FARS2: variants seen among roughly 807,000 people sequenced by gnomAD.
FARS2 encodes phenylalanyl-tRNA synthetase 2, mitochondrial, also known as phenylalanine--tRNA ligase, mitochondrial.
Under a neutral mutation model 46.4 loss-of-function variants are expected in FARS2, and 40 were observed. The observed-to-expected ratio is 0.86, with a 90% CI of 0.67 to 1.12. The LOEUF (loss-of-function observed/expected upper bound fraction) is 1.12. Among genes scored for constraint, FARS2 ranks in the 50% most tolerant of loss-of-function variants. FARS2 has a pLI of 0.00. For missense variants in FARS2, 513 were observed against 567.9 expected, an observed-to-expected ratio of 0.90 and a Z score of 0.98; for synonymous variants, 234 against 214.9, an observed-to-expected ratio of 1.09 and a Z score of -0.78.
chr6:5,543,865 T>G (rs1770783724), intron 4 of FARS2, among the ~76,000 whole-genome samples: 2 of 149,948 alleles, frequency 1.3e-5, no homozygotes, highest in African/African-American at 4.9e-5. Flanking sequence ...GAATCTGGAT[T>G]AGTTATGTTT....
intron 4 of FARS2, among the ~76,000 whole-genome samples, chr6:5,474,019 T>C (rs1582209246): frequency 6.6e-6 from 1 of 152,200 alleles, no homozygotes; most frequent in Non-Finnish European, 1.5e-5. Flanking sequence ...TTACCAAATT[T>C]GTGCTCTCCA....
At chr6:5,264,539 G>T (rs1233131282) in intron 1 of FARS2, among the ~76,000 whole-genome samples, 6 of 149,816 alleles carry the variant, frequency 4.0e-5, no homozygotes, top group African/African-American at 1.2e-4. Context: ...TGTTTCTCAG[G>T]CTGGAGTGCA....
intron 6 of FARS2, among the ~76,000 whole-genome samples, chr6:5,669,378 C>A (rs561149764): frequency 2.7e-5 from 4 of 150,560 alleles, no homozygotes; most frequent in South Asian, 2.1e-4. Context: ...CACCTCCCCC[C>A]ACCCCCCCGC....
At chr6:5,307,711 A>G (rs1174879112) in intron 1 of FARS2, among the ~76,000 whole-genome samples, 2 of 152,032 alleles carry the variant, frequency 1.3e-5, no homozygotes, top group Admixed American at 6.6e-5. Flanking sequence ...GCACACATTG[A>G]TTAGCTACTT....
intron 4 of FARS2, among the ~76,000 whole-genome samples, chr6:5,479,688 C>A (rs906497890): frequency 1.1e-4 from 16 of 152,102 alleles, no homozygotes; most frequent in African/African-American, 3.9e-4. Flanking sequence ...GTGCAGTGAC[C>A]CAGTTCAGGC....
At chr6:5,479,287 G>A (rs1407285282) in intron 4 of FARS2, among the ~76,000 whole-genome samples, 3 of 152,188 alleles carry the variant, frequency 2.0e-5, no homozygotes, top group African/African-American at 7.2e-5. Context: ...CCTCTTTCTT[G>A]TTGGCATTGT....
intron 2 of FARS2, among the ~76,000 whole-genome samples, chr6:5,393,206 A>G (rs1760682239): frequency 6.6e-6 from 1 of 152,104 alleles, no homozygotes; most frequent in Non-Finnish European, 1.5e-5. Flanking sequence ...TGTAATGCAC[A>G]GGTAGACTCT....
intron 4 of FARS2, among the ~76,000 whole-genome samples, chr6:5,488,162 C>G: frequency 6.6e-6 from 1 of 152,192 alleles, no homozygotes; most frequent in East Asian, 1.9e-4. Flanking sequence ...TTTTTTACCT[C>G]TGTCTCTCTG....
chr6:5,737,105 G>A (rs1369532894), intron 6 of FARS2, among the ~76,000 whole-genome samples: 2 of 152,164 alleles, frequency 1.3e-5, no homozygotes, highest in South Asian at 2.1e-4. Context: ...ATGACCCTGC[G>A]TGAAGGGAGA....
chr6:5,685,739 A>G (rs939799742), intron 6 of FARS2, among the ~76,000 whole-genome samples: 1 of 152,202 alleles, frequency 6.6e-6, no homozygotes, highest in Non-Finnish European at 1.5e-5. Context: ...ACCAGCTACC[A>G]TAGGCCTCAC....
intron 6 of FARS2, among the ~76,000 whole-genome samples, chr6:5,680,484 T>C (rs1221167421): frequency 6.6e-6 from 1 of 152,148 alleles, no homozygotes; most frequent in African/African-American, 2.4e-5. Flanking sequence ...TATGATCAAC[T>C]AGAAATAAAA....
chr6:5,461,672 G>A (rs942042820), intron 4 of FARS2, among the ~76,000 whole-genome samples: 1 of 152,106 alleles, frequency 6.6e-6, no homozygotes, highest in African/African-American at 2.4e-5. Context: ...GACATTTTTG[G>A]TAAATGGAAT....
rs77730277 is a variant in FARS2 at position 5,532,767 on chromosome 6, A to G, written c.905-12413A>G. On this transcript the variant is annotated intron_variant, in intron 4 of 6. Transcript: ENST00000274680. ...CTCTGTTTCAAAAGTAGTAGTAGTA[A>G]TAATAATAATAATAATAAGAAGAAG... Among the ~76,000 whole-genome samples the G allele has an allele frequency of 6.1e-3, 789 of 129,334 alleles. 6 individuals carry two copies. The highest frequency in any genetic ancestry group is 0.022 in the African/African-American group (648 of 29,138). The allele number at this position is 129,334 out of a possible 152,430, so 84.8% of individuals were successfully genotyped here. A position where few individuals can be genotyped will look rare whatever the true frequency, so the allele number is the denominator to read the frequency against.
intron 5 of FARS2, among the ~76,000 whole-genome samples, chr6:5,601,803 A>G (rs1774535439): frequency 6.6e-6 from 1 of 152,156 alleles, no homozygotes; most frequent in African/African-American, 2.4e-5. Context: ...GCACCCCACA[A>G]ACGGTGACCA....
chr6:5,352,933 C>T (rs535356809), intron 1 of FARS2, among the ~76,000 whole-genome samples: 2 of 152,254 alleles, frequency 1.3e-5, no homozygotes, highest in African/African-American at 4.8e-5. Flanking sequence ...TTCAAAATCC[C>T]TTCTTCTAGA....
At chr6:5,740,037 G>A (rs906286721) in intron 6 of FARS2, among the ~76,000 whole-genome samples, 4 of 152,186 alleles carry the variant, frequency 2.6e-5, no homozygotes, top group Admixed American at 6.5e-5. Context: ...GACTTAAACC[G>A]AGGTTTAAAG....
At chr6:5,253,265 T>C in the FARS2 span, among the ~76,000 whole-genome samples, 3 of 152,270 alleles carry the variant, frequency 2.0e-5, no homozygotes, top group East Asian at 3.8e-4. Context: ...ATAAGAGGGA[T>C]ACATTGAATA....
At chr6:5,697,526 G>A (rs749269235) in intron 6 of FARS2, among the ~76,000 whole-genome samples, 2 of 152,112 alleles carry the variant, frequency 1.3e-5, no homozygotes, top group African/African-American at 2.4e-5. Context: ...TAAAAATAAT[G>A]AGTATCCAAT....
At chr6:5,699,027 G>A (rs1387928932) in intron 6 of FARS2, among the ~76,000 whole-genome samples, 1 of 152,194 alleles carries the variant, frequency 6.6e-6, no homozygotes, top group Non-Finnish European at 1.5e-5. Context: ...GTGCTGTGCA[G>A]GTAACTCAGA....
Sources: gnomAD v4.1 joint callset for allele counts (sites outside exome capture counted in the v4.1 genomes callset) on GRCh38, gnomAD v4.1.1 for gene constraint, MANE v1.5 for transcripts, NCBI Gene and HGNC (gene_info 2026-07-23, HGNC 2026-07-21) for gene names.